The following MAP3K3 variants were observed in gnomAD, a reference collection of about 807,000 sequenced individuals.
The protein encoded by MAP3K3 is mitogen-activated protein kinase kinase kinase 3.
In MAP3K3, 12 loss-of-function variants were observed where a neutral mutation model predicts 80.9. That is an observed-to-expected ratio of 0.15 (90% CI 0.10 to 0.24). MAP3K3 has a LOEUF of 0.24. Among genes scored for constraint, MAP3K3 ranks in the 10% least tolerant of loss-of-function variants. The pLI, the probability that MAP3K3 is intolerant of heterozygous loss-of-function variation, is 1.00. For synonymous variants in MAP3K3, 272 were observed against 307.1 expected (o/e 0.89, Z 1.19); for missense variants, 596 against 834.7 (o/e 0.71, Z 3.52).
intron 5 of MAP3K3, among the ~76,000 whole-genome samples, chr17:63,665,228 C>T (rs995806946): frequency 5.9e-5 from 9 of 151,800 alleles, no homozygotes; most frequent in African/African-American, 1.5e-4. Context: ...TACAGTGGTG[C>T]GATCTCGGCT....
intron 6 of MAP3K3, among the ~76,000 whole-genome samples, chr17:63,677,312 A>G (rs371429490): frequency 2.6e-5 from 4 of 152,296 alleles, no homozygotes. Flanking sequence ...GCTGCTGACA[A>G]ATGTTGCTGA....
chr17:63,687,099 C>G (rs2035466161), intron 8 of MAP3K3, among the ~76,000 whole-genome samples: 1 of 152,074 alleles, frequency 6.6e-6, no homozygotes, highest in South Asian at 2.1e-4. Flanking sequence ...GGCACCGTGG[C>G]TCACGCCTGT....
intron 6 of MAP3K3, among the ~76,000 whole-genome samples, chr17:63,681,490 G>A (rs2035335183): frequency 6.6e-6 from 1 of 152,196 alleles, no homozygotes; most frequent in Admixed American, 6.5e-5. Context: ...CTGATTGCCA[G>A]CTAAAATGGT....
At position 63,666,928 on chromosome 17, in the gene MAP3K3, C is replaced by A. The variant is rs1270017906; in HGVS notation, c.382-12C>A. On this transcript the variant is annotated splice_polypyrimidine_tract_variant and intron_variant, in intron 5 of 15. Coordinates refer to ENST00000361733, the MANE Select transcript of MAP3K3 (RefSeq NM_002401.5). The stretch of plus-strand genomic sequence containing the variant: ...AAAGATGTAGCTTGGCCTTTTTCCT[C>A]TTCTTTTACAGAACAGTTCCTCTCC... 1 of 1,612,096 alleles carries A rather than the reference C, an allele frequency of 6.2e-7. No homozygotes were observed. The highest frequency in any genetic ancestry group is 8.5e-7 in the Non-Finnish European group (1 of 1,179,466).
intron 3 of MAP3K3, among the ~76,000 whole-genome samples, chr17:63,648,028 G>A (rs182568397): frequency 3.0e-4 from 46 of 152,332 alleles, no homozygotes; most frequent in Non-Finnish European, 1.0e-4. Flanking sequence ...AGGAGGGCTG[G>A]GGAGAAGGAT....
At chr17:63,622,990 C>T (rs887804026) in intron 1 of MAP3K3, among the ~76,000 whole-genome samples, 1 of 149,578 alleles carries the variant, frequency 6.7e-6, no homozygotes, top group Non-Finnish European at 1.5e-5. Context: ...GCTCGGCAGC[C>T]CTCCTTCTGG....
intron 5 of MAP3K3, among the ~76,000 whole-genome samples, chr17:63,661,821 G>T (rs1169213026): frequency 6.6e-6 from 1 of 152,056 alleles, no homozygotes; most frequent in Non-Finnish European, 1.5e-5. Context: ...AATAAACACT[G>T]GGCCGGGCGC....
chr17:63,627,831 G>A (rs1254058385), intron 1 of MAP3K3, among the ~76,000 whole-genome samples: 1 of 151,966 alleles, frequency 6.6e-6, no homozygotes, highest in East Asian at 1.9e-4. Flanking sequence ...TGATATGCCC[G>A]CCTTGGCTTC....
chr17:63,661,829 C>T (rs1251244182), intron 5 of MAP3K3, among the ~76,000 whole-genome samples: 2 of 152,244 alleles, frequency 1.3e-5, no homozygotes, highest in East Asian at 3.9e-4. Context: ...CTGGGCCGGG[C>T]GCGGTGGCTC....
chr17:63,638,257 T>G (rs2034372036), intron 2 of MAP3K3, among the ~76,000 whole-genome samples: 1 of 152,152 alleles, frequency 6.6e-6, no homozygotes, highest in Admixed American at 6.5e-5. Context: ...ACTTACTCTC[T>G]TTGGCAAAAT....
At chr17:63,680,630 T>C (rs931452341) in intron 6 of MAP3K3, among the ~76,000 whole-genome samples, 2 of 152,134 alleles carry the variant, frequency 1.3e-5, no homozygotes, top group African/African-American at 4.8e-5. Context: ...CAGAAAAACA[T>C]TGCTCAGTGA....
At chr17:63,635,004 A>G (rs760379130) in intron 2 of MAP3K3, among the ~76,000 whole-genome samples, 1 of 152,234 alleles carries the variant, frequency 6.6e-6, no homozygotes, top group Non-Finnish European at 1.5e-5. Context: ...GTGCTGTCCA[A>G]TAAACCTTCT....
At chr17:63,679,487 G>C (rs1380282247) in intron 6 of MAP3K3, among the ~76,000 whole-genome samples, 2 of 152,048 alleles carry the variant, frequency 1.3e-5, no homozygotes, top group Admixed American at 6.6e-5. Flanking sequence ...CATGAGCTTT[G>C]TTGTTTTGTC....
At chr17:63,642,269 G>A (rs1382581688) in intron 2 of MAP3K3, among the ~76,000 whole-genome samples, 3 of 152,312 alleles carry the variant, frequency 2.0e-5, no homozygotes, top group South Asian at 2.1e-4. Flanking sequence ...AATTCATGTA[G>A]AGCAGTGCTT....
At chr17:63,636,659 A>T in intron 2 of MAP3K3, 1 of 249,368 alleles carries the variant, frequency 4.0e-6, no homozygotes, top group Non-Finnish European at 8.2e-6. Context: ...CAGATCCAGC[A>T]TGTGTCTCCC....
At chr17:63,638,242 C>T (rs576533160) in intron 2 of MAP3K3, among the ~76,000 whole-genome samples, 21 of 151,342 alleles carry the variant, frequency 1.4e-4, no homozygotes, top group Admixed American at 1.4e-3. Flanking sequence ...TTTTTCCTTT[C>T]ATTCACTTAC....
chr17:63,652,703 AC>A, intron 4 of MAP3K3, 47 bp downstream of exon 4: 2 of 1,234,646 alleles, frequency 1.6e-6, no homozygotes, highest in Non-Finnish European at 2.4e-6. Flanking sequence ...GCAGATGCCT[AC>A]CTTTTTTCTC....
intron 8 of MAP3K3, among the ~76,000 whole-genome samples, chr17:63,687,747 T>C (rs1229318063): frequency 5.3e-5 from 8 of 150,710 alleles, no homozygotes; most frequent in African/African-American, 2.0e-4. Context: ...CCCAGCATTT[T>C]GGGAGGCCGA....
chr17:63,643,296 G>C lies in MAP3K3; in HGVS notation c.127-2738G>C, dbSNP rs2034480848. ...GAGGTGGACAGATTGCTTGAGCCCA[G>C]GAGTTTGAGACTAGCTGGGCAACAT... On this transcript the variant is annotated intron_variant, in intron 2 of 15. Coordinates refer to ENST00000361733, the MANE Select transcript of MAP3K3 (RefSeq NM_002401.5). Among the ~76,000 whole-genome samples the C allele has an allele frequency of 2.0e-5, 3 of 152,048 alleles. No homozygotes were observed. The East Asian group carries it at 5.8e-4, about 30-fold the overall frequency.
Sources: gnomAD v4.1 joint callset for allele counts (sites outside exome capture counted in the v4.1 genomes callset) on GRCh38, gnomAD v4.1.1 for gene constraint, MANE v1.5 for transcripts, NCBI Gene and HGNC (gene_info 2026-07-23, HGNC 2026-07-21) for gene names.